The following CSMD3 variants were observed in gnomAD, a reference collection of about 807,000 sequenced individuals.
CSMD3 encodes the protein CUB and Sushi multiple domains 3, also known as CUB and sushi domain-containing protein 3.
CSMD3 carries 177 observed loss-of-function variants against 435.2 expected under a neutral mutation model. The observed-to-expected ratio is 0.41, with a 90% confidence interval of 0.36 to 0.46. The LOEUF (loss-of-function observed/expected upper bound fraction) is 0.46, where lower values mean the gene tolerates loss of function less well. CSMD3 is among the 20% of genes least tolerant of loss of function. The pLI is 0.34. For missense variants in CSMD3, 4,265 were observed against 4,504.6 expected (o/e 0.95, Z 1.52); for synonymous variants, 1,656 against 1,520.5 (o/e 1.09, Z -2.07).
At chr8:112,608,870 A>T (rs536654994) in intron 22 of CSMD3, among the ~76,000 whole-genome samples, 19 of 152,084 alleles carry the variant, frequency 1.2e-4, no homozygotes, top group African/African-American at 4.3e-4. Context: ...AGACTTAATC[A>T]TGAGACCTGA....
In CSMD3 at chr8:112,477,811, A is replaced by T. The variant is rs566273202; in HGVS notation, c.5279-5104T>A. 5.3e-5 allele frequency among the ~76,000 whole-genome samples: 8 copies of T among 152,308 alleles called. No individual in the cohort carries two copies. In the East Asian group the frequency reaches 1.5e-3, roughly 29 times the overall value. Reference sequence around the variant, plus strand: ...CTCGAATATTCCTTTATAGTAATACAAACAGACTAACAAATTGAAAGCAAA... The same window carrying T: ...CTCGAATATTCCTTTATAGTAATACTAACAGACTAACAAATTGAAAGCAAA... On this transcript the variant is annotated intron_variant, in intron 31 of 70. Transcript: ENST00000297405.
intron 32 of CSMD3, among the ~76,000 whole-genome samples, chr8:112,433,986 A>G (rs895366450): frequency 6.6e-6 from 1 of 151,860 alleles, no homozygotes; most frequent in South Asian, 2.1e-4. Context: ...TTTCAGTGGG[A>G]TATGTGGGTT....
intron 41 of CSMD3, among the ~76,000 whole-genome samples, chr8:112,342,977 ATATATATATTTATATATATATATT>A (rs775059385): frequency 0.064 from 4,971 of 77,252 alleles, 313 homozygotes; most frequent in African/African-American, 0.16. Flanking sequence ...TGTATTATAT[ATATATATATTTATATATATATATT>A]TATATATATA....
intron 22 of CSMD3, among the ~76,000 whole-genome samples, chr8:112,607,461 A>C (rs1330434158): frequency 6.6e-6 from 1 of 152,108 alleles, no homozygotes; most frequent in East Asian, 1.9e-4. Context: ...TGAAGAGGAG[A>C]GAGCACATCC....
At chr8:113,357,556 G>T (rs1158389567) in intron 1 of CSMD3, among the ~76,000 whole-genome samples, 2 of 152,202 alleles carry the variant, frequency 1.3e-5, no homozygotes, top group East Asian at 1.9e-4. Context: ...CAACGTTGTT[G>T]TATTGGTAGC....
Position 112,231,591 on chromosome 8 carries a change from T to A in CSMD3, c.10782A>T (p.Gly3594=). The stretch of plus-strand genomic sequence containing the variant: ...GTCCATAATCTTTGCCTTGAATAAA[T>A]CCTTGAAATACATAAGTAGCTCCAT... ...EPDGATYVFQ[G]FIQGKDYGQF... Residue 3594 remains glycine, a synonymous_variant, in exon 69 of 71, where the codon GGA becomes GGT. Coordinates refer to ENST00000297405, the MANE Select transcript of CSMD3 (RefSeq NM_198123.2). 1 of 1,612,618 alleles carries A rather than the reference T, an allele frequency of 6.2e-7. No individual in the cohort carries two copies. Among genetic ancestry groups the A allele is most frequent in the Non-Finnish European group, 8.5e-7 (1 of 1,178,874 alleles).
At chr8:113,147,050 C>T (rs2091691911) in intron 4 of CSMD3, among the ~76,000 whole-genome samples, 1 of 151,618 alleles carries the variant, frequency 6.6e-6, no homozygotes, top group Non-Finnish European at 1.5e-5. Flanking sequence ...TGAAATACAA[C>T]ATGCAACATT....
At chr8:113,425,635 C>T (rs1181925365) in intron 1 of CSMD3, among the ~76,000 whole-genome samples, 3 of 151,352 alleles carry the variant, frequency 2.0e-5, no homozygotes, top group Non-Finnish European at 4.4e-5. Flanking sequence ...TAGCACTTTT[C>T]TAGAAAATGG....
At chr8:112,939,321 C>A (rs1047045508) in intron 9 of CSMD3, among the ~76,000 whole-genome samples, 1 of 151,884 alleles carries the variant, frequency 6.6e-6, no homozygotes, top group South Asian at 2.1e-4. Context: ...ATTGGGAAAA[C>A]GACAGGAAAA....
chr8:112,883,288 T>A (rs2081498968), intron 10 of CSMD3, among the ~76,000 whole-genome samples: 1 of 151,992 alleles, frequency 6.6e-6, no homozygotes, highest in South Asian at 2.1e-4. Flanking sequence ...TATGAGCTAC[T>A]TCTGGAATAT....
chr8:113,145,524 C>A (rs1331562448), intron 4 of CSMD3, among the ~76,000 whole-genome samples: 2 of 151,356 alleles, frequency 1.3e-5, no homozygotes, highest in Non-Finnish European at 3.0e-5. Context: ...TGTCATGTAT[C>A]ATAATTGTAA....
intron 38 of CSMD3, among the ~76,000 whole-genome samples, chr8:112,377,232 C>A (rs753868439): frequency 6.6e-6 from 1 of 150,964 alleles, no homozygotes; most frequent in African/African-American, 2.4e-5. Context: ...AATTACACAC[C>A]GAAAAATTGA....
At chr8:112,408,443 A>C in intron 33 of CSMD3, 30 bp from the exon 34 acceptor site, 16 of 1,322,978 alleles carry the variant, frequency 1.2e-5, no homozygotes, top group East Asian at 2.3e-5. Context: ...CTAAGATATC[A>C]TAAATAATTT....
intron 22 of CSMD3, among the ~76,000 whole-genome samples, chr8:112,596,650 G>A (rs1200039416): frequency 6.6e-6 from 1 of 151,664 alleles, no homozygotes; most frequent in African/African-American, 2.4e-5. Context: ...AAAGAAAAGA[G>A]ATTATAACAA....
intron 59 of CSMD3, among the ~76,000 whole-genome samples, chr8:112,276,615 G>A (rs1818070358): frequency 6.6e-6 from 1 of 151,862 alleles, no homozygotes; most frequent in South Asian, 2.1e-4. Flanking sequence ...TAGGAATTTG[G>A]TGCCCTGCAT....
At chr8:112,398,992 C>T (rs1831088150) in intron 35 of CSMD3, among the ~76,000 whole-genome samples, 1 of 151,720 alleles carries the variant, frequency 6.6e-6, no homozygotes, top group Non-Finnish European at 1.5e-5. Flanking sequence ...TCTCGGCTCA[C>T]TGCAACCTCT....
intron 42 of CSMD3, among the ~76,000 whole-genome samples, chr8:112,340,655 A>G (rs1825001622): frequency 6.6e-6 from 1 of 152,190 alleles, no homozygotes; most frequent in South Asian, 2.1e-4. Flanking sequence ...TTTATTATGT[A>G]AAATATCATT....
At chr8:112,596,674 C>T (rs990381842) in intron 22 of CSMD3, among the ~76,000 whole-genome samples, 66 of 152,040 alleles carry the variant, frequency 4.3e-4, no homozygotes, top group African/African-American at 1.5e-3. Flanking sequence ...ATCTCTCAGA[C>T]CACAGTGCAA....
chr8:113,057,703 C>T (rs66698442), intron 5 of CSMD3, among the ~76,000 whole-genome samples: 6 of 151,756 alleles, frequency 4.0e-5, no homozygotes, highest in Non-Finnish European at 8.8e-5. Context: ...AGAACCAACA[C>T]TCCCATATTC....
Sources: allele counts gnomAD v4.1 joint callset (sites outside exome capture counted in the v4.1 genomes callset), GRCh38; gene constraint gnomAD v4.1.1; transcripts MANE v1.5; gene names NCBI Gene and HGNC (gene_info 2026-07-23, HGNC 2026-07-21).